The following QTMAN variants were observed in gnomAD, a reference collection of about 807,000 sequenced individuals.
QTMAN encodes the protein queuosine-tRNA mannosyltransferase.
the QTMAN span, among the ~76,000 whole-genome samples, chr2:144,026,702 G>C: frequency 6.6e-6 from 1 of 152,088 alleles, no homozygotes; most frequent in South Asian, 2.1e-4. Context: ...TTCTACAAAG[G>C]GGGATTAATA....
the QTMAN span, among the ~76,000 whole-genome samples, chr2:144,300,746 A>G: frequency 1.3e-5 from 2 of 151,776 alleles, no homozygotes; most frequent in Non-Finnish European, 2.9e-5. Flanking sequence ...AAGGTCTACT[A>G]AGGGAAGCTG....
chr2:144,330,331 G>A, the QTMAN span, among the ~76,000 whole-genome samples: 1 of 152,140 alleles, frequency 6.6e-6, no homozygotes, highest in Non-Finnish European at 1.5e-5. Flanking sequence ...ATATAGCCTA[G>A]GTGTGAAGTA....
the QTMAN span, among the ~76,000 whole-genome samples, chr2:144,108,241 G>C: frequency 6.6e-6 from 1 of 152,206 alleles, no homozygotes; most frequent in Non-Finnish European, 1.5e-5. Flanking sequence ...CATAGTGTTG[G>C]AAGTTCTGGC....
chr2:144,156,796 A>G, the QTMAN span, among the ~76,000 whole-genome samples: 3 of 152,100 alleles, frequency 2.0e-5, no homozygotes, highest in Non-Finnish European at 2.9e-5. Flanking sequence ...CACAACCTAC[A>G]TCACATGCTA....
At chr2:143,984,782 T>C in the QTMAN span, among the ~76,000 whole-genome samples, 12,012 of 152,128 alleles carry the variant, frequency 0.079, 880 homozygotes, top group African/African-American at 0.18. Flanking sequence ...AGAGAGGAGT[T>C]TGGCTGGGGA....
the QTMAN span, among the ~76,000 whole-genome samples, chr2:144,002,413 C>T: frequency 6.6e-6 from 1 of 151,898 alleles, no homozygotes. Context: ...ATTTGGCAGA[C>T]ATTTTCTCAA....
At chr2:143,999,058 A>AG in the QTMAN span, among the ~76,000 whole-genome samples, 95 of 152,150 alleles carry the variant, frequency 6.2e-4, no homozygotes, top group South Asian at 4.8e-3. Flanking sequence ...CCTAATTGCC[A>AG]GGCACTCTGG....
At chr2:144,140,148 C>T in the QTMAN span, among the ~76,000 whole-genome samples, 3 of 152,014 alleles carry the variant, frequency 2.0e-5, no homozygotes, top group Admixed American at 6.6e-5. Context: ...ATTCAAATAA[C>T]ATTCTAGGCT....
At chr2:144,076,961 A>T in the QTMAN span, among the ~76,000 whole-genome samples, 12 of 152,134 alleles carry the variant, frequency 7.9e-5, no homozygotes, top group Non-Finnish European at 1.5e-4. Flanking sequence ...TATTAAAAAA[A>T]AATAATAAAC....
chr2:144,290,200 G>A, the QTMAN span, among the ~76,000 whole-genome samples: 1 of 151,956 alleles, frequency 6.6e-6, no homozygotes, highest in East Asian at 1.9e-4. Flanking sequence ...CTAAGGGGAT[G>A]GAACAGAGGG....
At chr2:143,972,530 T>C in the QTMAN span, among the ~76,000 whole-genome samples, 1 of 152,104 alleles carries the variant, frequency 6.6e-6, no homozygotes, top group African/African-American at 2.4e-5. Context: ...AGAGCTGTAG[T>C]TCTTAAAAGA....
At chr2:144,005,475 G>A in the QTMAN span, among the ~76,000 whole-genome samples, 2 of 151,952 alleles carry the variant, frequency 1.3e-5, no homozygotes, top group Admixed American at 1.3e-4. Flanking sequence ...TTGACTGCAC[G>A]CTAGATTTTC....
the QTMAN span, among the ~76,000 whole-genome samples, chr2:143,981,074 T>G: frequency 6.6e-6 from 1 of 152,234 alleles, no homozygotes; most frequent in African/African-American, 2.4e-5. Context: ...CCCATATCAC[T>G]CTGATTTGCT....
the QTMAN span, among the ~76,000 whole-genome samples, chr2:144,190,935 C>T: frequency 6.6e-6 from 1 of 152,180 alleles, no homozygotes; most frequent in Admixed American, 6.5e-5. Context: ...CTATGTTCCT[C>T]CACTGTCCTC....
chr2:144,145,160 T>C, the QTMAN span, among the ~76,000 whole-genome samples: 3 of 150,196 alleles, frequency 2.0e-5, no homozygotes, highest in Non-Finnish European at 4.5e-5. Context: ...AGTTGCTCCA[T>C]TATGCTTTAA....
the QTMAN span, among the ~76,000 whole-genome samples, chr2:144,031,019 C>T: frequency 2.6e-5 from 4 of 152,224 alleles, no homozygotes; most frequent in African/African-American, 4.8e-5. Flanking sequence ...TCTGTTCGTT[C>T]GAGTGGGAAC....
At chr2:144,261,620 G>A in the QTMAN span, among the ~76,000 whole-genome samples, 10,076 of 152,262 alleles carry the variant, frequency 0.066, 405 homozygotes, top group South Asian at 0.17. Context: ...TATGCAACAG[G>A]AAATGCTAAA....
At chr2:144,112,667 C>T in the QTMAN span, among the ~76,000 whole-genome samples, 2 of 152,220 alleles carry the variant, frequency 1.3e-5, no homozygotes, top group Admixed American at 6.5e-5. Context: ...CCTAGATTTC[C>T]AGCTTTGCCG....
chr2:144,097,896 A>G, the QTMAN span, among the ~76,000 whole-genome samples: 1 of 152,122 alleles, frequency 6.6e-6, no homozygotes, highest in Non-Finnish European at 1.5e-5. Flanking sequence ...TTTACACTGA[A>G]GCTTATATTT....
Sources: allele counts gnomAD v4.1 joint callset (sites outside exome capture counted in the v4.1 genomes callset), GRCh38; gene constraint gnomAD v4.1.1; transcripts MANE v1.5; gene names NCBI Gene and HGNC (gene_info 2026-07-23, HGNC 2026-07-21).